Variants in NLGN1 observed in about 807,000 individuals in gnomAD.
NLGN1 encodes neuroligin-1.
Under a neutral mutation model 65.5 loss-of-function variants are expected in NLGN1, and 12 were observed. The observed-to-expected ratio is 0.18, with a 90% CI of 0.12 to 0.30. NLGN1 has a LOEUF of 0.30. NLGN1 is among the 10% of genes least tolerant of loss of function. The pLI is 1.00. For missense variants in NLGN1, 750 were observed against 1,007.1 expected (o/e 0.74, Z 3.46); for synonymous variants, 350 against 359.5 (o/e 0.97, Z 0.30).
intron 3 of NLGN1, among the ~76,000 whole-genome samples, chr3:173,675,005 A>G (rs1483804336): frequency 2.6e-5 from 4 of 152,050 alleles, no homozygotes; most frequent in Non-Finnish European, 4.4e-5. Context: ...AATTATGTCA[A>G]TCAGTGTGGT....
At chr3:173,489,543 A>T (rs1416120783) in intron 2 of NLGN1, among the ~76,000 whole-genome samples, 2 of 152,182 alleles carry the variant, frequency 1.3e-5, no homozygotes, top group African/African-American at 4.8e-5. Context: ...TGCAATAAAC[A>T]TACGTGTGCA....
intron 1 of NLGN1, among the ~76,000 whole-genome samples, chr3:173,402,404 C>G (rs1717861138): frequency 6.6e-6 from 1 of 152,002 alleles, no homozygotes; most frequent in African/African-American, 2.4e-5. Flanking sequence ...AATTTTTGCT[C>G]AACTTTGTAT....
At chr3:173,987,437 T>G (rs757499240) in intron 4 of NLGN1, among the ~76,000 whole-genome samples, 14 of 152,186 alleles carry the variant, frequency 9.2e-5, no homozygotes, top group Non-Finnish European at 1.9e-4. Flanking sequence ...AAGGAATTCA[T>G]TGCCCATGTT....
chr3:173,996,663 C>T (rs534898619), intron 4 of NLGN1, among the ~76,000 whole-genome samples: 9 of 152,272 alleles, frequency 5.9e-5, no homozygotes, highest in South Asian at 4.1e-4. Flanking sequence ...TCACCAAGTA[C>T]GCTTGAACAT....
intron 3 of NLGN1, among the ~76,000 whole-genome samples, chr3:173,634,187 ATAAAT>A (rs1345859330): frequency 6.6e-6 from 1 of 152,154 alleles, no homozygotes; most frequent in African/African-American, 2.4e-5. Context: ...ATTGGATAAA[ATAAAT>A]AAAAAATTCC....
At chr3:174,198,925 G>A (rs528026554) in intron 4 of NLGN1, among the ~76,000 whole-genome samples, 1 of 134,020 alleles carries the variant, frequency 7.5e-6, no homozygotes, top group East Asian at 2.4e-4. Flanking sequence ...TCAGCTCACT[G>A]CAACCTCCAC....
At chr3:173,545,231 C>G (rs922747260) in intron 2 of NLGN1, among the ~76,000 whole-genome samples, 4 of 152,070 alleles carry the variant, frequency 2.6e-5, no homozygotes, top group African/African-American at 9.7e-5. Context: ...TGTGCCACCA[C>G]ACCCGGCTAA....
intron 2 of NLGN1, among the ~76,000 whole-genome samples, chr3:173,550,830 G>T (rs553193781): frequency 4.6e-5 from 7 of 152,196 alleles, no homozygotes; most frequent in East Asian, 1.9e-4. Flanking sequence ...ACATTGAATG[G>T]CTGTGATTCA....
intron 4 of NLGN1, among the ~76,000 whole-genome samples, chr3:174,102,717 A>G (rs1404015504): frequency 1.3e-4 from 20 of 152,278 alleles, no homozygotes; most frequent in Non-Finnish European, 1.8e-4. Context: ...TTGACAGCCC[A>G]TGAATTCTCT....
chr3:173,687,995 A>G (rs1335348640), intron 3 of NLGN1, among the ~76,000 whole-genome samples: 3 of 152,248 alleles, frequency 2.0e-5, no homozygotes, highest in Non-Finnish European at 4.4e-5. Context: ...TCAGAAGGTA[A>G]TAATAAGGCA....
At chr3:173,930,220 A>T (rs1332832501) in intron 4 of NLGN1, among the ~76,000 whole-genome samples, 1 of 152,210 alleles carries the variant, frequency 6.6e-6, no homozygotes, top group Admixed American at 6.5e-5. Flanking sequence ...ATTTATCAAA[A>T]ATGTAAATCG....
At chr3:173,955,444 T>C (rs1264296865) in intron 4 of NLGN1, among the ~76,000 whole-genome samples, 1 of 151,956 alleles carries the variant, frequency 6.6e-6, no homozygotes, top group Non-Finnish European at 1.5e-5. Flanking sequence ...ATTATTAGAG[T>C]GCTAGGAAAG....
intron 4 of NLGN1, among the ~76,000 whole-genome samples, chr3:174,049,368 T>A (rs1342679507): frequency 6.6e-6 from 1 of 152,052 alleles, no homozygotes; most frequent in Admixed American, 6.6e-5. Context: ...GGGCAGTCCC[T>A]TAGTAAGATG....
chr3:173,463,795 A>G (rs913733025), intron 2 of NLGN1, among the ~76,000 whole-genome samples: 11 of 152,204 alleles, frequency 7.2e-5, no homozygotes, highest in African/African-American at 1.7e-4. Flanking sequence ...TAATCCTAGC[A>G]TTAAATACAC....
Position 173,734,372 on chromosome 3 carries a change from G to A in NLGN1, c.494-73308G>A, listed in dbSNP as rs190682339. Among the ~76,000 whole-genome samples the A allele has an allele frequency of 3.0e-3, 390 of 128,910 alleles. 2 individuals are homozygous for A. Among genetic ancestry groups the A allele is most frequent in the African/African-American group, 0.011 (376 of 35,662 alleles). The allele number at this position is 128,910 out of a possible 152,430, so 84.6% of individuals were successfully genotyped here. The stretch of plus-strand genomic sequence containing the variant: ...TTATATCAGATAATTAGATTCTGTG[G>A]ATAATTCTATTTTTTTTTTTTTTTT... On this transcript the variant is annotated intron_variant, in intron 3 of 6. Transcript: ENST00000457714.
intron 4 of NLGN1, among the ~76,000 whole-genome samples, chr3:174,273,291 ACTCTCT>A (rs10589673): frequency 3.3e-5 from 5 of 150,386 alleles, no homozygotes; most frequent in South Asian, 2.1e-4. Flanking sequence ...TCTTTCATTC[ACTCTCT>A]CTCTCTCTCA....
intron 1 of NLGN1, among the ~76,000 whole-genome samples, chr3:173,408,953 G>A (rs1711917702): frequency 6.6e-6 from 1 of 151,210 alleles, no homozygotes; most frequent in South Asian, 2.1e-4. Flanking sequence ...AACTCTGCCA[G>A]TTGTAACTCA....
intron 4 of NLGN1, among the ~76,000 whole-genome samples, chr3:174,252,352 A>G (rs1379466249): frequency 6.6e-6 from 1 of 152,182 alleles, no homozygotes; most frequent in Non-Finnish European, 1.5e-5. Flanking sequence ...TAAAAATAGT[A>G]GATTAGTAAA....
At chr3:174,073,895 A>T (rs1352120737) in intron 4 of NLGN1, among the ~76,000 whole-genome samples, 1 of 152,208 alleles carries the variant, frequency 6.6e-6, no homozygotes, top group Non-Finnish European at 1.5e-5. Context: ...TAAATAAATG[A>T]TAAATACTAT....
Sources: allele counts gnomAD v4.1 joint callset (sites outside exome capture counted in the v4.1 genomes callset), GRCh38; gene constraint gnomAD v4.1.1; transcripts MANE v1.5; gene names NCBI Gene and HGNC (gene_info 2026-07-23, HGNC 2026-07-21).